The following ITGB1 variants were observed in gnomAD, a reference collection of about 807,000 sequenced individuals.
ITGB1 encodes integrin subunit beta 1.
ITGB1 carries 24 observed loss-of-function variants against 86.5 expected under a neutral mutation model. The observed-to-expected ratio is 0.28, with a 90% confidence interval of 0.20 to 0.39. The LOEUF (loss-of-function observed/expected upper bound fraction) is 0.39. Ranked by LOEUF, ITGB1 falls within the 10% of genes least tolerant of loss-of-function variation. The pLI, the probability that ITGB1 is intolerant of heterozygous loss-of-function variation, is 1.00. For synonymous variants in ITGB1, 323 were observed against 316.8 expected, an observed-to-expected ratio of 1.02 and a Z score of -0.21; for missense variants, 556 against 946.9, an observed-to-expected ratio of 0.59 and a Z score of 5.42.
At chr10:32,957,583 A>T (rs1318487011) in intron 1 of ITGB1, among the ~76,000 whole-genome samples, 1 of 151,534 alleles carries the variant, frequency 6.6e-6, no homozygotes, top group Non-Finnish European at 1.5e-5. Flanking sequence ...CGCTGGCCCC[A>T]GGGCCGCCTC....
chr10:32,917,494 A>G (rs1465050760), intron 11 of ITGB1, among the ~76,000 whole-genome samples: 1 of 152,234 alleles, frequency 6.6e-6, no homozygotes, highest in African/African-American at 2.4e-5. Flanking sequence ...ACAAATTTAC[A>G]AGAAAAAATC....
chr10:32,910,486 A>G lies in ITGB1; in HGVS notation c.1932-31T>C, dbSNP rs768464221. 13 of 1,401,812 alleles carry G rather than the reference A, an allele frequency of 9.3e-6. No homozygotes were observed. The African/African-American group carries it at 1.0e-4, about 11-fold the overall frequency. 86.8% of individuals were successfully genotyped at this position (1,401,812 alleles called of 1,614,324 possible). On this transcript the variant is annotated intron_variant, in intron 13 of 15. Transcript: ENST00000302278. ...ACAAAAAACACAAATTATGATATTT[A>G]CATTTTATTATTTCAGTAAATATTT...
At chr10:32,911,068 C>T (rs1221559624) in intron 13 of ITGB1, among the ~76,000 whole-genome samples, 1 of 152,118 alleles carries the variant, frequency 6.6e-6, no homozygotes, top group Non-Finnish European at 1.5e-5. Context: ...TAATATGTTA[C>T]TAGTATAATA....
intron 15 of ITGB1, among the ~76,000 whole-genome samples, chr10:32,902,204 A>G (rs974330410): frequency 6.6e-6 from 1 of 152,196 alleles, no homozygotes; most frequent in Non-Finnish European, 1.5e-5. Context: ...AGAATGTTAG[A>G]TAATTACCAT....
Position 32,911,989 on chromosome 10 carries a change from C to T in ITGB1, c.1605G>A (p.Gln535=), listed in dbSNP as rs567524491. The change falls in exon 12 of 16, where the codon CAG becomes CAA. Residue 535 remains glutamine (Q), a synonymous_variant. Coordinates refer to ENST00000302278, the MANE Select transcript of ITGB1 (RefSeq NM_002211.4). ...CSNNGECVCG[Q]CVCRKRDNTN... is the part of the protein sequence containing the mutation. ...TATTATCCCTCTTCCTACAAACACA[C>T]TGTCCGCAGACGCACTCTCCATTGT... The T allele has an allele frequency of 3.1e-6, 5 of 1,614,200 alleles. No homozygotes were observed. The highest frequency in any genetic ancestry group is 1.3e-5 in the African/African-American group (1 of 75,054).
At chr10:32,919,167 T>A (rs747950007) in intron 11 of ITGB1, among the ~76,000 whole-genome samples, 2 of 152,248 alleles carry the variant, frequency 1.3e-5, no homozygotes, top group Non-Finnish European at 2.9e-5. Flanking sequence ...GCTAAAGCCA[T>A]ATATTTCTTT....
intron 15 of ITGB1, among the ~76,000 whole-genome samples, chr10:32,906,887 A>G (rs955964268): frequency 1.3e-5 from 2 of 152,198 alleles, no homozygotes; most frequent in Non-Finnish European, 2.9e-5. Context: ...TCTATATCAC[A>G]TTACTTATTT....
intron 1 of ITGB1, 199 bp from the exon 2 acceptor site, chr10:32,935,757 C>A (rs1436962050): frequency 4.4e-6 from 2 of 451,008 alleles, no homozygotes; most frequent in South Asian, 4.1e-5. Flanking sequence ...ACCTACACTG[C>A]GAAAATAACT....
At chr10:32,931,402 G>C (rs1166709871) in intron 3 of ITGB1, among the ~76,000 whole-genome samples, 1 of 152,084 alleles carries the variant, frequency 6.6e-6, no homozygotes, top group Admixed American at 6.5e-5. Flanking sequence ...AATAATAGCA[G>C]CTACCACTTA....
At chr10:32,918,207 G>C (rs2094938026) in intron 11 of ITGB1, among the ~76,000 whole-genome samples, 1 of 152,104 alleles carries the variant, frequency 6.6e-6, no homozygotes, top group Non-Finnish European at 1.5e-5. Flanking sequence ...GGTGGGGGTA[G>C]GGGGCAGGGA....
At chr10:32,903,724 C>A (rs537794786) in intron 15 of ITGB1, among the ~76,000 whole-genome samples, 1 of 152,272 alleles carries the variant, frequency 6.6e-6, no homozygotes, top group East Asian at 1.9e-4. Flanking sequence ...GTACATCAAA[C>A]TCTCAGCTCT....
At chr10:32,942,093 G>A (rs1016792697) in intron 1 of ITGB1, among the ~76,000 whole-genome samples, 2 of 152,078 alleles carry the variant, frequency 1.3e-5, no homozygotes, top group Non-Finnish European at 2.9e-5. Context: ...GGAGAACTGG[G>A]GGCAAACTTG....
intron 14 of ITGB1, among the ~76,000 whole-genome samples, chr10:32,908,835 T>C (rs1208732392): frequency 2.6e-5 from 4 of 152,162 alleles, no homozygotes; most frequent in Admixed American, 6.5e-5. Flanking sequence ...TAACAAAATA[T>C]ATGCAAGATT....
At chr10:32,931,502 A>G (rs954562094) in intron 3 of ITGB1, among the ~76,000 whole-genome samples, 1 of 152,178 alleles carries the variant, frequency 6.6e-6, no homozygotes, top group African/African-American at 2.4e-5. Flanking sequence ...CCTCATTTTC[A>G]GATATGAAAA....
At chr10:32,941,717 G>A (rs538420966) in intron 1 of ITGB1, among the ~76,000 whole-genome samples, 22 of 152,288 alleles carry the variant, frequency 1.4e-4, no homozygotes, top group African/African-American at 5.3e-4. Context: ...AGTGAGAGGT[G>A]ACAAATGTCT....
rs1412906406 is a variant in ITGB1, at chr10:32,922,322, A to C, written c.1063T>G (p.Ser355Ala). ...TTTGCAGATAATGTTCCTACTGCTGACTTAGGGATCAAGTTTTTCAGCTCC... is the reference window on the plus strand; with the variant it reads ...TTTGCAGATAATGTTCCTACTGCTGCCTTAGGGATCAAGTTTTTCAGCTCC... Reference protein sequence around the residue: ...YKELKNLIPKSAVGTLSANSS... With the variant: ...YKELKNLIPKAAVGTLSANSS... The change falls in exon 9 of 16, where the codon TCA (serine) becomes GCA (alanine). Residue 355 changes from serine (S) to alanine (A), a missense_variant. Physicochemically the swap from Ser to Ala is moderately conservative, Grantham distance 99. This residue lies in a region of ITGB1 where 330 missense variants were observed against 531.5 expected (regional missense o/e 0.62). Transcript: ENST00000302278. 1.2e-6 allele frequency: 2 copies of C among 1,609,364 alleles called. No individual in the cohort carries two copies. Among genetic ancestry groups the C allele is most frequent in the East Asian group, 4.5e-5 (2 of 44,650 alleles).
intron 14 of ITGB1, among the ~76,000 whole-genome samples, chr10:32,909,614 A>G (rs377089899): frequency 6.6e-5 from 10 of 152,290 alleles, no homozygotes; most frequent in African/African-American, 2.4e-4. Context: ...ATGGGAGTCT[A>G]AGAGTCTGGC....
At chr10:32,932,315 G>A (rs535740863) in intron 3 of ITGB1, among the ~76,000 whole-genome samples, 200 bp downstream of exon 3, 3 of 152,112 alleles carry the variant, frequency 2.0e-5, no homozygotes, top group Non-Finnish European at 4.4e-5. Context: ...TTGAAACTTA[G>A]AGCAATTCTA....
chr10:32,939,142 G>T (rs1394220102), intron 1 of ITGB1, among the ~76,000 whole-genome samples: 2 of 152,212 alleles, frequency 1.3e-5, no homozygotes, highest in Non-Finnish European at 2.9e-5. Context: ...CAATCCCTGA[G>T]CATGGGGCCT....
Sources: allele counts gnomAD v4.1 joint callset (sites outside exome capture counted in the v4.1 genomes callset), GRCh38; gene constraint gnomAD v4.1.1; regional missense constraint gnomAD v4.1.1; transcripts MANE v1.5; gene names NCBI Gene and HGNC (gene_info 2026-07-23, HGNC 2026-07-21).